Variants in DIAPH3 observed in about 807,000 individuals in gnomAD.
DIAPH3 encodes protein diaphanous homolog 3.
In DIAPH3, 117 loss-of-function variants were observed where a neutral mutation model predicts 144.3. That is an observed-to-expected ratio of 0.81 (90% CI 0.70 to 0.95). The LOEUF (loss-of-function observed/expected upper bound fraction) is 0.95, where lower values mean the gene tolerates loss of function less well. Ranked by LOEUF, DIAPH3 falls within the 40% of genes least tolerant of loss-of-function variation. The pLI is 0.00. For synonymous variants in DIAPH3, 519 were observed against 488.9 expected (o/e 1.06, Z -0.81); for missense variants, 1,421 against 1,412.7 (o/e 1.01, Z -0.09).
chr13:59,835,815 T>C (rs563974365), intron 23 of DIAPH3, among the ~76,000 whole-genome samples: 5 of 151,886 alleles, frequency 3.3e-5, no homozygotes, highest in Non-Finnish European at 7.4e-5. Context: ...AGTTCAAAGT[T>C]CAACATACTA....
intron 17 of DIAPH3, among the ~76,000 whole-genome samples, chr13:59,945,889 A>C (rs2048769976): frequency 6.6e-6 from 1 of 152,228 alleles, no homozygotes; most frequent in Non-Finnish European, 1.5e-5. Context: ...AAAATCTATG[A>C]ATTAAAATTT....
rs1593570187 is a variant in DIAPH3 at position 59,826,123 on chromosome 13, G to C, written c.3027+6984C>G. ...GCATTCCCTTTGAAAACTGGCACAAGACAGGGATGCCCTCTCTCACCGCTC... is the reference window on the plus strand; with the variant it reads ...GCATTCCCTTTGAAAACTGGCACAACACAGGGATGCCCTCTCTCACCGCTC... On this transcript the variant is annotated intron_variant, in intron 24 of 27. Transcript: ENST00000400324. 3.3e-5 allele frequency among the ~76,000 whole-genome samples: 5 copies of C among 152,136 alleles called. No individual in the cohort carries two copies. In the South Asian group the frequency reaches 1.0e-3, roughly 32 times the overall value.
At chr13:59,694,876 C>T (rs1295956641) in intron 27 of DIAPH3, among the ~76,000 whole-genome samples, 1 of 151,954 alleles carries the variant, frequency 6.6e-6, no homozygotes, top group African/African-American at 2.4e-5. Context: ...GGTTATCAAG[C>T]AAAAAATACG....
At chr13:60,155,154 T>A (rs1428666432) in intron 1 of DIAPH3, among the ~76,000 whole-genome samples, 2 of 152,186 alleles carry the variant, frequency 1.3e-5, no homozygotes, top group East Asian at 3.8e-4. Flanking sequence ...TCAGGTAACA[T>A]CTGTTCAGAA....
At chr13:59,897,279 CA>C (rs2046161068) in intron 20 of DIAPH3, among the ~76,000 whole-genome samples, 1 of 151,978 alleles carries the variant, frequency 6.6e-6, no homozygotes, top group Non-Finnish European at 1.5e-5. Flanking sequence ...CAAGACCACA[CA>C]AAATGAGAAA....
intron 2 of DIAPH3, among the ~76,000 whole-genome samples, chr13:60,121,687 G>A (rs1241111173): frequency 2.6e-5 from 4 of 152,154 alleles, no homozygotes; most frequent in Admixed American, 6.5e-5. Flanking sequence ...CAAAGTAGGA[G>A]GGTTTGGGAA....
chr13:59,804,624 A>G (rs766938624), intron 25 of DIAPH3, among the ~76,000 whole-genome samples: 16 of 152,156 alleles, frequency 1.1e-4, no homozygotes, highest in Admixed American at 2.0e-4. Context: ...TGTCTGTTCT[A>G]TAAATGATGG....
chr13:60,138,578 T>C (rs1181967460), intron 1 of DIAPH3, among the ~76,000 whole-genome samples: 1 of 152,244 alleles, frequency 6.6e-6, no homozygotes, highest in African/African-American at 2.4e-5. Flanking sequence ...ATCTCTGGTA[T>C]GTATGATGAA....
At chr13:59,672,416 A>G (rs766949056) in intron 27 of DIAPH3, among the ~76,000 whole-genome samples, 3 of 152,176 alleles carry the variant, frequency 2.0e-5, no homozygotes, top group Middle Eastern at 3.2e-3. Flanking sequence ...GACTCCATCT[A>G]TTCAGTGTTC....
intron 20 of DIAPH3, among the ~76,000 whole-genome samples, chr13:59,895,957 A>C (rs541601567): frequency 1.3e-5 from 2 of 152,132 alleles, no homozygotes; most frequent in African/African-American, 2.4e-5. Context: ...CGTAAGGTAA[A>C]CTCTATTTTT....
At chr13:59,971,841 T>A (rs2050399923) in intron 15 of DIAPH3, among the ~76,000 whole-genome samples, 1 of 152,174 alleles carries the variant, frequency 6.6e-6, no homozygotes, top group South Asian at 2.1e-4. Flanking sequence ...TACATGCTGG[T>A]CCCTCTGCCT....
At chr13:59,972,844 T>C (rs2050466501) in intron 15 of DIAPH3, among the ~76,000 whole-genome samples, 1 of 152,076 alleles carries the variant, frequency 6.6e-6, no homozygotes, top group South Asian at 2.1e-4. Flanking sequence ...CTAAACTACC[T>C]GGTTGTGAAG....
intron 22 of DIAPH3, among the ~76,000 whole-genome samples, chr13:59,860,601 G>T (rs1014834240): frequency 2.0e-5 from 3 of 152,058 alleles, no homozygotes; most frequent in African/African-American, 7.2e-5. Context: ...ATCCAGGCAT[G>T]GAGGCGGGTG....
intron 20 of DIAPH3, among the ~76,000 whole-genome samples, chr13:59,911,337 C>G (rs187741175): frequency 5.9e-5 from 9 of 152,186 alleles, no homozygotes; most frequent in Non-Finnish European, 1.2e-4. Flanking sequence ...TAATTTCGGT[C>G]TAAACTACGA....
chr13:59,712,725 C>T (rs1566208905), intron 27 of DIAPH3, among the ~76,000 whole-genome samples: 1 of 152,182 alleles, frequency 6.6e-6, no homozygotes, highest in East Asian at 1.9e-4. Flanking sequence ...ACCACACTTA[C>T]AGTTACTTGT....
intron 27 of DIAPH3, among the ~76,000 whole-genome samples, chr13:59,731,125 T>A: frequency 6.6e-6 from 1 of 152,180 alleles, no homozygotes; most frequent in Non-Finnish European, 1.5e-5. Context: ...TAAGAAAGGC[T>A]TCTGCTGCTT....
chr13:60,063,725 G>A (rs1184391424), intron 4 of DIAPH3, among the ~76,000 whole-genome samples: 2 of 152,012 alleles, frequency 1.3e-5, no homozygotes, highest in South Asian at 2.1e-4. Context: ...TCAGGAGTTC[G>A]AGACCAGCCT....
intron 22 of DIAPH3, among the ~76,000 whole-genome samples, chr13:59,843,283 G>A (rs2042443105): frequency 6.6e-6 from 1 of 152,160 alleles, no homozygotes; most frequent in South Asian, 2.1e-4. Flanking sequence ...GTAGGGAGGT[G>A]TAAGAGAAGC....
At chr13:60,059,998 T>TC (rs1451352752) in intron 4 of DIAPH3, among the ~76,000 whole-genome samples, 2 of 152,038 alleles carry the variant, frequency 1.3e-5, no homozygotes, top group African/African-American at 4.8e-5. Flanking sequence ...ATCGCACAAT[T>TC]ATTTGCCTCC....
Sources: gnomAD v4.1 joint callset for allele counts (sites outside exome capture counted in the v4.1 genomes callset) on GRCh38, gnomAD v4.1.1 for gene constraint, MANE v1.5 for transcripts, NCBI Gene and HGNC (gene_info 2026-07-23, HGNC 2026-07-21) for gene names.